TREM1: variants seen among roughly 807,000 people sequenced by gnomAD.
TREM1 encodes the protein triggering receptor expressed on myeloid cells 1.
A neutral mutation model predicts 22.4 loss-of-function variants in TREM1; 16 were observed. The observed-to-expected ratio is 0.71, with a 90% CI of 0.48 to 1.08. TREM1 has a LOEUF of 1.08. Among genes scored for constraint, TREM1 ranks in the 50% least tolerant of loss-of-function variants. The probability of loss-of-function intolerance (pLI) is 0.00; values close to 1 mark genes in which losing one functional copy is unlikely to be tolerated. For synonymous variants in TREM1, 110 were observed against 111.6 expected (o/e 0.99, Z 0.09); for missense variants, 283 against 282.9 (o/e 1.00, Z 0.00).
intron 3 of TREM1, among the ~76,000 whole-genome samples, chr6:41,268,326 A>G (rs950730467): frequency 3.3e-5 from 5 of 152,216 alleles, no homozygotes; most frequent in African/African-American, 1.2e-4. Context: ...TTATGGTTCA[A>G]TGAAGATAAT....
At chr6:41,286,482 G>A (rs144823152) in intron 1 of TREM1, 125 bp downstream of exon 1, 50 of 894,122 alleles carry the variant, frequency 5.6e-5, no homozygotes, top group African/African-American at 3.5e-4. Context: ...AGAGCAGCAC[G>A]GTCTGCCATA....
At chr6:41,268,175 C>T (rs1055140522) in intron 3 of TREM1, 3 of 397,656 alleles carry the variant, frequency 7.5e-6, no homozygotes, top group African/African-American at 4.1e-5. Flanking sequence ...CCTTTATGGT[C>T]CCTCTGCAAC....
chr6:41,271,894 T>C (rs1767488784), downstream of TREM1, among the ~76,000 whole-genome samples: 2 of 152,150 alleles, frequency 1.3e-5, no homozygotes, highest in African/African-American at 2.4e-5. Flanking sequence ...TGGTCCCCTC[T>C]TCCCCAGCCT....
At chr6:41,279,339 A>G (rs1350645463) in intron 3 of TREM1, among the ~76,000 whole-genome samples, 1 of 152,228 alleles carries the variant, frequency 6.6e-6, no homozygotes, top group African/African-American at 2.4e-5. Flanking sequence ...TCGCTTAAAT[A>G]AATTCCTGCT....
At chr6:41,286,153 G>A (rs938129093) in intron 1 of TREM1, among the ~76,000 whole-genome samples, 2 of 152,154 alleles carry the variant, frequency 1.3e-5, no homozygotes, top group Admixed American at 6.5e-5. Context: ...AGCCTCTTCT[G>A]GTCACGTCTG....
rs1232609991 is a variant in TREM1, at chr6:41,281,107, C to A, written c.453G>T (p.Val151=). 6.2e-7 allele frequency: 1 copy of A among 1,614,138 alleles called. No homozygotes were observed. Among genetic ancestry groups the A allele is most frequent in the Non-Finnish European group, 8.5e-7 (1 of 1,180,026 alleles). Reference sequence around the variant, plus strand: ...TAGTGGTGGTAGGAGGAATCTTATACACATTCTGGGTAGAATTCTCATTGG... The same window carrying A: ...TAGTGGTGGTAGGAGGAATCTTATAAACATTCTGGGTAGAATTCTCATTGG... ...PGSNENSTQN[V]YKIPPTTTKA... is the part of the protein sequence containing the mutation. The change falls in exon 3 of 4, where the codon GTG becomes GTT. Residue 151 remains valine, a synonymous_variant. Transcript: ENST00000244709.
rs114715761 is a variant in TREM1 at position 41,280,505 on chromosome 6, C to T, written c.599+456G>A. Reference sequence around the variant, plus strand: ...CTGAGAGTTATTAGGTGGACAATGTCTTCCAGCTTTGGGTTTCTACCATGC... The same window carrying T: ...CTGAGAGTTATTAGGTGGACAATGTTTTCCAGCTTTGGGTTTCTACCATGC... On this transcript the variant is annotated intron_variant, in intron 3 of 3. Coordinates refer to ENST00000244709, the MANE Select transcript of TREM1 (RefSeq NM_018643.5). 5,502 of 1,038,600 alleles carry T rather than the reference C, an allele frequency of 5.3e-3. 19 individuals carry two copies. Among genetic ancestry groups the T allele is most frequent in the Non-Finnish European group, 5.8e-3 (4,972 of 862,156 alleles). The allele number at this position is 1,038,600 out of a possible 1,614,324, so 64.3% of individuals were successfully genotyped here.
At chr6:41,286,560 A>T (rs1452203103) in intron 1 of TREM1, 47 bp downstream of exon 1, 18 of 1,608,102 alleles carry the variant, frequency 1.1e-5, no homozygotes, top group Non-Finnish European at 1.4e-5. Flanking sequence ...GCTCCCCGAG[A>T]TCCTGGACCA....
downstream of TREM1, among the ~76,000 whole-genome samples, chr6:41,270,446 A>AATATATATATATAT (rs68021402): frequency 7.2e-4 from 103 of 143,998 alleles, 3 homozygotes; most frequent in African/African-American, 2.3e-3. Context: ...GATATTATAT[A>AATATATATATATAT]ATATATATAT....
At chr6:41,270,444 A>AT (rs1250550624), downstream of TREM1, among the ~76,000 whole-genome samples, 26 of 37,022 alleles carry the variant, frequency 7.0e-4, no homozygotes, top group African/African-American at 3.3e-3. Context: ...ATGATATTAT[A>AT]TAATATATAT....
At chr6:41,281,491 T>C (rs142932332) in intron 2 of TREM1, 382 of 289,604 alleles carry the variant, frequency 1.3e-3, no homozygotes, top group Non-Finnish European at 1.9e-3. Context: ...CTTCTGTTCT[T>C]CACCAATTCT....
chr6:41,278,742 TGAAAG>T (rs1237828825), intron 3 of TREM1, among the ~76,000 whole-genome samples: 1 of 152,106 alleles, frequency 6.6e-6, no homozygotes, highest in African/African-American at 2.4e-5. Flanking sequence ...GGATTTTGGC[TGAAAG>T]GATAGTTCAT....
chr6:41,272,405 A>G (rs1767508855), downstream of TREM1, among the ~76,000 whole-genome samples: 1 of 151,984 alleles, frequency 6.6e-6, no homozygotes, highest in Admixed American at 6.6e-5. Flanking sequence ...GCGCAAACAA[A>G]CATTGTTCAT....
intron 3 of TREM1, among the ~76,000 whole-genome samples, chr6:41,268,449 G>A (rs1204025777): frequency 3.3e-5 from 5 of 152,166 alleles, no homozygotes; most frequent in South Asian, 2.1e-4. Context: ...AAAGAACTGG[G>A]CAGAACTCCA....
chr6:41,283,873 G>A (rs2113995313), intron 1 of TREM1, among the ~76,000 whole-genome samples: 1 of 152,250 alleles, frequency 6.6e-6, no homozygotes, highest in East Asian at 1.9e-4. Flanking sequence ...GGATTCACAG[G>A]TCAATGAGAT....
intron 1 of TREM1, among the ~76,000 whole-genome samples, chr6:41,283,074 C>A (rs1196803303): frequency 1.3e-5 from 2 of 152,108 alleles, no homozygotes; most frequent in Admixed American, 1.3e-4. Flanking sequence ...GTACTAAGAC[C>A]ACGAGTGGCT....
At chr6:41,286,196 A>G (rs1458303605) in intron 1 of TREM1, among the ~76,000 whole-genome samples, 1 of 152,184 alleles carries the variant, frequency 6.6e-6, no homozygotes, top group Admixed American at 6.5e-5. Flanking sequence ...GCTGTCCCAT[A>G]GTAGACCCCT....
In TREM1 at chr6:41,285,992, T is replaced by G. The variant is rs1768150904; in HGVS notation, c.49+615A>C. On this transcript the variant is annotated intron_variant, in intron 1 of 3. Coordinates refer to ENST00000244709, the MANE Select transcript of TREM1 (RefSeq NM_018643.5). The stretch of plus-strand genomic sequence containing the variant: ...TGAATAAAGCCCGCATGCTTCTGGT[T>G]TGGGTGCAGATGTGAGCTGTGCGGA... Among the ~76,000 whole-genome samples the G allele has an allele frequency of 3.3e-5, 5 of 152,326 alleles. No individual in the cohort carries two copies. In the South Asian group the frequency reaches 1.0e-3, roughly 32 times the overall value.
intron 3 of TREM1, chr6:41,280,571 T>C (rs1767862794): frequency 1.0e-5 from 12 of 1,188,022 alleles, no homozygotes; most frequent in Non-Finnish European, 1.3e-5. Flanking sequence ...AGAGGGTTCC[T>C]GACTCACCCA....
Sources: allele counts gnomAD v4.1 joint callset (sites outside exome capture counted in the v4.1 genomes callset), GRCh38; gene constraint gnomAD v4.1.1; transcripts MANE v1.5; gene names NCBI Gene and HGNC (gene_info 2026-07-23, HGNC 2026-07-21).